ZNF766: variants seen among roughly 807,000 people sequenced by gnomAD.
ZNF766 encodes the protein zinc finger protein 766.
A neutral mutation model predicts 13.2 loss-of-function variants in ZNF766; 13 were observed. The observed-to-expected ratio is 0.98, with a 90% confidence interval of 0.64 to 1.56. The LOEUF is 1.56. Among genes scored for constraint, ZNF766 ranks in the 40% most tolerant of loss-of-function variants. The pLI is 0.00. For missense variants in ZNF766, 521 were observed against 552.2 expected (o/e 0.94, Z 0.57); for synonymous variants, 178 against 187.6 (o/e 0.95, Z 0.42).
chr19:52,291,979 A>C lies in ZNF766; in HGVS notation c.*781A>C. 5.3e-6 allele frequency: 3 copies of C among 563,868 alleles called. No individual in the cohort carries two copies. The highest frequency in any genetic ancestry group is 6.3e-6 in the Non-Finnish European group (2 of 318,538). 34.9% of individuals were successfully genotyped at this position (563,868 alleles called of 1,614,324 possible). ...TCCAGCTACTCAAGAGGCCGAGGCA[A>C]GAGGATTGCTCAAGCCCAGGAGTTT... On this transcript the variant is annotated 3_prime_UTR_variant, in exon 4 of 4. Transcript: ENST00000439461.
chr19:52,290,738 A>T lies in ZNF766; in HGVS notation c.947A>T (p.Gln316Leu). The T allele has an allele frequency of 1.2e-6, 2 of 1,614,044 alleles. No homozygotes were observed. Among genetic ancestry groups the T allele is most frequent in the Non-Finnish European group, 1.7e-6 (2 of 1,179,934 alleles). ...TATAGTAGCAGTTCATACCTAGCAC[A>T]ACATTGGAGAATTCATACAGGAGAG... ...KVYSSSSYLA[Q>L]HWRIHTGEKL... The change falls in exon 4 of 4, where the codon CAA becomes CTA. Residue 316 changes from glutamine (Q) to leucine (L), a missense_variant. Gln to Leu is a moderately radical substitution (Grantham distance 113, BLOSUM62 -2). Coordinates refer to ENST00000439461, the MANE Select transcript of ZNF766 (RefSeq NM_001010851.3).
chr19:52,277,155 A>G (rs961264339), intron 1 of ZNF766: 7 of 1,091,334 alleles, frequency 6.4e-6, no homozygotes, highest in Middle Eastern at 2.7e-4. Flanking sequence ...GACATTCAGG[A>G]TTGACTTCTA....
intron 1 of ZNF766, chr19:52,277,019 CGGCATCAACTCTGA>C (rs1396258625): frequency 2.3e-5 from 18 of 778,164 alleles, no homozygotes; most frequent in Non-Finnish European, 2.7e-5. Context: ...TTTATTGTCC[CGGCATCAACTCTGA>C]TGCAGTGGGC....
intron 1 of ZNF766, among the ~76,000 whole-genome samples, chr19:52,271,778 G>A (rs1209034531): frequency 6.6e-6 from 1 of 152,086 alleles, no homozygotes; most frequent in African/African-American, 2.4e-5. Context: ...TGGCCAGCAC[G>A]GTGAAACCCC....
At chr19:52,280,739 C>T (rs1347516244) in intron 1 of ZNF766, among the ~76,000 whole-genome samples, 7 of 151,958 alleles carry the variant, frequency 4.6e-5, no homozygotes, top group East Asian at 2.0e-4. Flanking sequence ...TGCACCGCCA[C>T]ACCCAGCTAA....
chr19:52,293,529 A>G lies in ZNF766; in HGVS notation c.*2331A>G, dbSNP rs948195567. ...AATTTTGTGTGTGAAATGAAATGAC[A>G]TGCACTTTTGGGTATATACACTTGG... On this transcript the variant is annotated 3_prime_UTR_variant, in exon 4 of 4. Coordinates refer to ENST00000439461, the MANE Select transcript of ZNF766 (RefSeq NM_001010851.3). 6.6e-6 allele frequency: 1 copy of G among 152,160 alleles called. No individual in the cohort carries two copies. The highest frequency in any genetic ancestry group is 2.4e-5 in the African/African-American group (1 of 41,422). The allele number at this position is 152,160 out of a possible 1,614,324, so 9.4% of individuals were successfully genotyped here.
intron 1 of ZNF766, among the ~76,000 whole-genome samples, chr19:52,273,013 A>G (rs1271293844): frequency 7.5e-6 from 1 of 132,884 alleles, no homozygotes; most frequent in Non-Finnish European, 1.6e-5. Context: ...AAATACATTA[A>G]TATATTTTTT....
intron 3 of ZNF766, among the ~76,000 whole-genome samples, chr19:52,289,584 C>A (rs930939467): frequency 6.6e-5 from 10 of 152,142 alleles, no homozygotes; most frequent in African/African-American, 2.4e-4. Context: ...CTGTAGATTC[C>A]CCATTGCTCC....
chr19:52,284,162 TCTTTAGTC>T (rs1372069315), intron 3 of ZNF766, among the ~76,000 whole-genome samples: 1 of 152,232 alleles, frequency 6.6e-6, no homozygotes, highest in East Asian at 1.9e-4. Flanking sequence ...TTCTGTCAAC[TCTTTAGTC>T]CTTGATTCTG....
intron 1 of ZNF766, chr19:52,274,594 G>T: frequency 6.6e-6 from 1 of 152,580 alleles, no homozygotes; most frequent in Non-Finnish European, 1.5e-5. Context: ...CAAGAGAATA[G>T]GGAACTGGCT....
chr19:52,278,972 T>G (rs1346056239), intron 1 of ZNF766, among the ~76,000 whole-genome samples: 2 of 152,128 alleles, frequency 1.3e-5, no homozygotes, highest in Admixed American at 6.5e-5. Flanking sequence ...AGGATGGTAT[T>G]GCCTAAGTTG....
In ZNF766 at chr19:52,290,765, A is replaced by G. The variant is rs372593985; in HGVS notation, c.974A>G (p.Lys325Arg). ...AQHWRIHTGE[K>R]LYKCNKCGKE... ...CATTGGAGAATTCATACAGGAGAGAAACTTTACAAATGTAATAAATGTGGC... is the reference window on the plus strand; with the variant it reads ...CATTGGAGAATTCATACAGGAGAGAGACTTTACAAATGTAATAAATGTGGC... Residue 325 changes from lysine (K) to arginine (R), a missense_variant, in exon 4 of 4, where the codon AAA becomes AGA. Coordinates refer to ENST00000439461, the MANE Select transcript of ZNF766 (RefSeq NM_001010851.3). 7 of 1,613,976 alleles carry G rather than the reference A, an allele frequency of 4.3e-6. No homozygotes were observed. The highest frequency in any genetic ancestry group is 2.7e-5 in the African/African-American group (2 of 75,060).
Position 52,289,796 on chromosome 19 carries a change from C to T in ZNF766, c.275-270C>T, listed in dbSNP as rs112540593. Among the ~76,000 whole-genome samples the T allele has an allele frequency of 3.5e-4, 54 of 152,118 alleles. No individual in the cohort carries two copies. In the South Asian group the frequency reaches 3.7e-3, roughly 11 times the overall value. ...CGGGCGGATCACGAGGTCAGGAGATCGAGACCATCCTGGCTAACACAGTGA... is the reference window on the plus strand; with the variant it reads ...CGGGCGGATCACGAGGTCAGGAGATTGAGACCATCCTGGCTAACACAGTGA... On this transcript the variant is annotated intron_variant, in intron 3 of 3. Transcript: ENST00000439461.
intron 1 of ZNF766, chr19:52,277,054 C>T (rs1182474391): frequency 2.0e-5 from 19 of 957,658 alleles, no homozygotes; most frequent in Non-Finnish European, 2.2e-5. Flanking sequence ...AGCAGAGGAC[C>T]GTATTTCCAC....
intron 1 of ZNF766, chr19:52,277,649 T>G: frequency 1.7e-6 from 2 of 1,194,022 alleles, no homozygotes; most frequent in Non-Finnish European, 2.4e-6. Context: ...CCTGACAGGT[T>G]TGCTCACACT....
Position 52,292,178 on chromosome 19 carries a change from G to T in ZNF766, c.*980G>T. On this transcript the variant is annotated 3_prime_UTR_variant, in exon 4 of 4. Transcript: ENST00000439461. ...TTCACTGTGGTCTGGGAAAGAATCAGTAAGATGACAGGGCTGACTTCATTA... is the reference window on the plus strand; with the variant it reads ...TTCACTGTGGTCTGGGAAAGAATCATTAAGATGACAGGGCTGACTTCATTA... The T allele has an allele frequency of 4.3e-6, 3 of 702,808 alleles. No homozygotes were observed. The highest frequency in any genetic ancestry group is 7.8e-6 in the Non-Finnish European group (3 of 384,892). 43.5% of individuals were successfully genotyped at this position (702,808 alleles called of 1,614,324 possible). A position where few individuals can be genotyped will look rare whatever the true frequency, so the allele number is the denominator to read the frequency against.
intron 1 of ZNF766, among the ~76,000 whole-genome samples, chr19:52,273,770 C>T (rs1417991691): frequency 1.3e-5 from 2 of 152,202 alleles, no homozygotes; most frequent in Non-Finnish European, 2.9e-5. Context: ...CTACGTAAAT[C>T]CTGGTAACAA....
In ZNF766 at chr19:52,290,893, T is replaced by G. The variant is rs1482456745; in HGVS notation, c.1102T>G (p.Phe368Val). 1 of 1,614,172 alleles carries G rather than the reference T, an allele frequency of 6.2e-7. No individual in the cohort carries two copies. Among genetic ancestry groups the G allele is most frequent in the East Asian group, 2.2e-5 (1 of 44,882 alleles). Residue 368 changes from phenylalanine (F) to valine (V), a missense_variant, in exon 4 of 4, where the codon TTC (phenylalanine) becomes GTC (valine). Coordinates refer to ENST00000439461, the MANE Select transcript of ZNF766 (RefSeq NM_001010851.3). ...KECDKAFRHK[F>V]SLTVHQRNHN... ...ATGTGACAAAGCTTTTAGGCACAAG[T>G]TCTCCCTGACAGTTCATCAGAGAAA...
rs1225473796 is a variant in ZNF766 at position 52,290,872 on chromosome 19, G to A, written c.1081G>A (p.Asp361Asn). ...GEKPYKCKEC[D>N]KAFRHKFSLT... ...GAAACCTTACAAATGTAAAGAATGT[G>A]ACAAAGCTTTTAGGCACAAGTTCTC... is the stretch of plus-strand genomic sequence containing the variant. Residue 361 changes from aspartate (D) to asparagine (N), a missense_variant, in exon 4 of 4, where the codon GAC becomes AAC. Coordinates refer to ENST00000439461, the MANE Select transcript of ZNF766 (RefSeq NM_001010851.3). 3 of 1,614,136 alleles carry A rather than the reference G, an allele frequency of 1.9e-6. No individual in the cohort carries two copies. The highest frequency in any genetic ancestry group is 1.1e-5 in the South Asian group (1 of 91,080).
Sources: allele counts gnomAD v4.1 joint callset (sites outside exome capture counted in the v4.1 genomes callset), GRCh38; gene constraint gnomAD v4.1.1; transcripts MANE v1.5; gene names NCBI Gene and HGNC (gene_info 2026-07-23, HGNC 2026-07-21).